Variants in RPTOR observed in about 807,000 individuals in gnomAD.
RPTOR encodes the protein regulatory associated protein of MTOR complex 1.
RPTOR carries 21 observed loss-of-function variants against 169.9 expected under a neutral mutation model. That is an observed-to-expected ratio of 0.12 (90% CI 0.09 to 0.18). The LOEUF (loss-of-function observed/expected upper bound fraction) is 0.18. Ranked by LOEUF, RPTOR falls within the 10% of genes least tolerant of loss-of-function variation. The probability of loss-of-function intolerance (pLI) is 1.00; values close to 1 mark genes in which losing one functional copy is unlikely to be tolerated. For missense variants in RPTOR, 1,133 were observed against 1,855.9 expected (o/e 0.61, Z 7.16); for synonymous variants, 732 against 753.2 (o/e 0.97, Z 0.46).
intron 3 of RPTOR, among the ~76,000 whole-genome samples, chr17:80,701,165 G>A (rs1567865035): frequency 6.6e-6 from 1 of 152,152 alleles, no homozygotes; most frequent in Non-Finnish European, 1.5e-5. Flanking sequence ...CCTCTCTGCT[G>A]AAAGGCCTCA....
chr17:80,602,768 G>T, intron 1 of RPTOR: 1 of 728,366 alleles, frequency 1.4e-6, no homozygotes, highest in South Asian at 1.4e-5. Context: ...TCTCCTTCAT[G>T]TCAAATTTCC....
chr17:80,792,974 A>AT, intron 7 of RPTOR, among the ~76,000 whole-genome samples: 1 of 152,230 alleles, frequency 6.6e-6, no homozygotes, highest in East Asian at 1.9e-4. Flanking sequence ...CTGTAAAAAA[A>AT]TTTTTAATGA....
intron 1 of RPTOR, chr17:80,602,860 G>A (rs61735241): frequency 0.02 from 10,557 of 528,356 alleles, 145 homozygotes; most frequent in South Asian, 0.03. Context: ...GTGTCTTCTC[G>A]GGTCACCACC....
rs547276141 is a variant in RPTOR at position 80,648,600 on chromosome 17, A to G, written c.348+4790A>G. On this transcript the variant is annotated intron_variant, in intron 3 of 33. Transcript: ENST00000306801. Reference sequence around the variant, plus strand: ...GGGGAGCACTGCATGGATGGCTTCTAAGATCCACTTGTCTTCTTTCCCCTG... The same window carrying G: ...GGGGAGCACTGCATGGATGGCTTCTGAGATCCACTTGTCTTCTTTCCCCTG... 7.2e-5 allele frequency among the ~76,000 whole-genome samples: 11 copies of G among 152,244 alleles called. No homozygotes were observed. The South Asian group carries it at 1.9e-3, about 26-fold the overall frequency.
rs938334995 is a variant in RPTOR at position 80,774,290 on chromosome 17, C to G, written c.831-17160C>G. ...TGACACAGACGGCGCGGGAGCTGCA[C>G]GGGAGAGTGCTTTGGAAGTGGAAGC... On this transcript the variant is annotated intron_variant, in intron 6 of 33. Coordinates refer to ENST00000306801, the MANE Select transcript of RPTOR (RefSeq NM_020761.3). The G allele has an allele frequency of 5.1e-6, 5 of 985,242 alleles. No individual in the cohort carries two copies. The South Asian group carries it at 2.3e-4, about 46-fold the overall frequency. 61.0% of individuals were successfully genotyped at this position (985,242 alleles called of 1,614,324 possible).
chr17:80,940,647 G>T, intron 25 of RPTOR, 46 bp downstream of exon 25: 1 of 1,501,542 alleles, frequency 6.7e-7, no homozygotes, highest in Non-Finnish European at 9.1e-7. Flanking sequence ...CCGGGGGTGG[G>T]GCCTGGGGCG....
intron 1 of RPTOR, among the ~76,000 whole-genome samples, chr17:80,563,227 AT>A (rs2084524339): frequency 7.4e-5 from 11 of 148,164 alleles, no homozygotes; most frequent in Non-Finnish European, 1.2e-4. Flanking sequence ...TTTTTTTTTA[AT>A]TTTTATTTTT....
chr17:80,928,974 G>A (rs2068843799), intron 24 of RPTOR, among the ~76,000 whole-genome samples: 1 of 152,120 alleles, frequency 6.6e-6, no homozygotes, highest in African/African-American at 2.4e-5. Context: ...ATTAGAAAAG[G>A]GTATACCTGC....
At chr17:80,810,002 C>T (rs1362309931) in intron 7 of RPTOR, among the ~76,000 whole-genome samples, 3 of 151,694 alleles carry the variant, frequency 2.0e-5, no homozygotes, top group Non-Finnish European at 4.4e-5. Flanking sequence ...GAGCTGAGAT[C>T]GTGACACTGC....
chr17:80,908,872 C>A lies in RPTOR; in HGVS notation c.2463C>A (p.Asp821Glu). The change falls in exon 21 of 34, where the codon GAC becomes GAA. Residue 821 changes from aspartate (D) to glutamate (E), a missense_variant. Coordinates refer to ENST00000306801, the MANE Select transcript of RPTOR (RefSeq NM_020761.3). ...GAGTCCTGCTGCACCTGGCTGCTGA[C>A]CCCTATCCAGAGGTCTCGGACGTGG... The part of the protein sequence containing the change: ...IWRVLLHLAA[D>E]PYPEVSDVAM... 3.7e-6 allele frequency: 6 copies of A among 1,614,168 alleles called. No individual in the cohort carries two copies. The highest frequency in any genetic ancestry group is 1.3e-5 in the African/African-American group (1 of 75,046).
At chr17:80,893,656 CA>C in intron 19 of RPTOR, 50 bp from the exon 20 acceptor site, 2 of 1,563,758 alleles carry the variant, frequency 1.3e-6, no homozygotes, top group Non-Finnish European at 8.6e-7. Flanking sequence ...ACTGTAAGAC[CA>C]AAAGGAGGGT....
At chr17:80,761,197 G>A (rs144399200) in intron 6 of RPTOR, among the ~76,000 whole-genome samples, 97 of 152,130 alleles carry the variant, frequency 6.4e-4, no homozygotes, top group Admixed American at 1.2e-3. Flanking sequence ...TTTATTACGC[G>A]TCTATTTGTA....
intron 21 of RPTOR, among the ~76,000 whole-genome samples, chr17:80,913,837 C>T (rs930607121): frequency 2.0e-5 from 3 of 152,170 alleles, no homozygotes; most frequent in African/African-American, 4.8e-5. Flanking sequence ...CTGCCTGTGG[C>T]CCCAGCAGTT....
intron 3 of RPTOR, among the ~76,000 whole-genome samples, chr17:80,692,103 T>A (rs1186960925): frequency 1.3e-5 from 2 of 152,174 alleles, no homozygotes; most frequent in Non-Finnish European, 2.9e-5. Context: ...TCGAGTGACA[T>A]TACCCTGTAT....
chr17:80,958,193 C>A, intron 29 of RPTOR, among the ~76,000 whole-genome samples: 1 of 42,244 alleles, frequency 2.4e-5, no homozygotes, highest in Non-Finnish European at 5.2e-5. Context: ...GATCCTCCCA[C>A]CTCACCCCCC....
intron 1 of RPTOR, among the ~76,000 whole-genome samples, chr17:80,614,805 G>A (rs377221002): frequency 2.0e-5 from 3 of 152,312 alleles, no homozygotes; most frequent in African/African-American, 7.2e-5. Flanking sequence ...GGACTTTATT[G>A]TAGTGCTCGC....
chr17:80,731,600 C>T, intron 5 of RPTOR, among the ~76,000 whole-genome samples: 1 of 152,086 alleles, frequency 6.6e-6, no homozygotes, highest in African/African-American at 2.4e-5. Context: ...ATTGAAGAGG[C>T]AGTTTCGATT....
chr17:80,864,155 C>T (rs1049783840), intron 13 of RPTOR, among the ~76,000 whole-genome samples: 4 of 152,160 alleles, frequency 2.6e-5, no homozygotes, highest in African/African-American at 9.7e-5. Context: ...GCTTAGCAAA[C>T]CCCAAGCACA....
chr17:80,751,603 C>T (rs762304873), intron 5 of RPTOR, among the ~76,000 whole-genome samples: 51 of 152,298 alleles, frequency 3.3e-4, no homozygotes, highest in Admixed American at 5.9e-4. Context: ...GATTAAAAGC[C>T]ACACACTCTG....
Sources: gnomAD v4.1 joint callset for allele counts (sites outside exome capture counted in the v4.1 genomes callset) on GRCh38, gnomAD v4.1.1 for gene constraint, MANE v1.5 for transcripts, NCBI Gene and HGNC (gene_info 2026-07-23, HGNC 2026-07-21) for gene names.